The following ANLN variants were observed in gnomAD, a reference collection of about 807,000 sequenced individuals.
The protein encoded by ANLN is anillin.
Under a neutral mutation model 135.1 loss-of-function variants are expected in ANLN, and 59 were observed. The ratio of observed to expected loss-of-function variants is 0.44; its 90% CI spans 0.35 to 0.54. The LOEUF is 0.54. Ranked by LOEUF, ANLN falls within the 20% of genes least tolerant of loss-of-function variation. The pLI is 0.00. For synonymous variants in ANLN, 406 were observed against 456.4 expected (o/e 0.89, Z 1.41); for missense variants, 1,182 against 1,340.0 (o/e 0.88, Z 1.84).
rs1562812777 is a variant in ANLN, at chr7:36,431,632, ATT to A, written c.2883+4605_2883+4606del. Among the ~76,000 whole-genome samples the A allele has an allele frequency of 1.5e-3, 192 of 128,064 alleles. 3 individuals carry two copies. Among genetic ancestry groups the A allele is most frequent in the Non-Finnish European group, 2.4e-3 (149 of 61,744 alleles). 84.0% of individuals were successfully genotyped at this position (128,064 alleles called of 152,430 possible). ...ATATATATATAATATATATATATAT[ATT>A]ACCATTTTATTCTTGATTTCAGGGA... On this transcript the variant is annotated intron_variant, in intron 20 of 23. Coordinates refer to ENST00000265748, the MANE Select transcript of ANLN (RefSeq NM_018685.5).
At chr7:36,421,638 G>A (rs1295348086) in intron 12 of ANLN, among the ~76,000 whole-genome samples, 4 of 152,130 alleles carry the variant, frequency 2.6e-5, no homozygotes, top group Non-Finnish European at 5.9e-5. Flanking sequence ...AGTATGAATT[G>A]GAAGTTTTTT....
At chr7:36,433,069 C>G (rs73106348) in intron 20 of ANLN, among the ~76,000 whole-genome samples, 6,131 of 152,246 alleles carry the variant, frequency 0.04, 151 homozygotes, top group African/African-American at 0.06. Flanking sequence ...ACCTGCCTTG[C>G]CTCCCAAAAT....
chr7:36,450,903 C>T (rs186319741), intron 23 of ANLN, among the ~76,000 whole-genome samples: 4 of 152,270 alleles, frequency 2.6e-5, no homozygotes, highest in South Asian at 4.1e-4. Flanking sequence ...TTACTGGTTG[C>T]GTAAACTCTC....
At chr7:36,438,774 T>G (rs1422253132) in intron 20 of ANLN, among the ~76,000 whole-genome samples, 1 of 152,234 alleles carries the variant, frequency 6.6e-6, no homozygotes. Flanking sequence ...ATTTGGTTGT[T>G]TGGGGTCTCT....
chr7:36,436,603 C>T (rs1788559240), intron 20 of ANLN, among the ~76,000 whole-genome samples: 1 of 152,198 alleles, frequency 6.6e-6, no homozygotes, highest in Non-Finnish European at 1.5e-5. Context: ...CATTTTCCTA[C>T]ATCTTTTCCA....
Position 36,423,889 on chromosome 7 carries a change from G to C in ANLN, c.2549G>C (p.Ser850Thr), listed in dbSNP as rs1787977921. The stretch of plus-strand genomic sequence containing the variant: ...AATATGGTAGCCACACCATTAGCAA[G>C]TACTTCAAACTCTCTTAACGGTGAT... ...AENMVATPLA[S>T]TSNSLNGDAL... Residue 850 changes from serine to threonine, a missense_variant, in exon 15 of 24, where the codon AGT (serine) becomes ACT (threonine). Ser to Thr is a moderately conservative substitution (Grantham distance 58). Around this residue, in one of 3 missense-constraint regions of ANLN, gnomAD observed 1,022 missense variants for 1,134.0 expected, o/e 0.90. Transcript: ENST00000265748. 6.2e-7 allele frequency: 1 copy of C among 1,612,648 alleles called. No homozygotes were observed. Among genetic ancestry groups the C allele is most frequent in the African/African-American group, 1.3e-5 (1 of 74,982 alleles).
intron 3 of ANLN, among the ~76,000 whole-genome samples, chr7:36,400,215 A>C (rs1361592023): frequency 2.0e-5 from 3 of 152,346 alleles, no homozygotes; most frequent in East Asian, 3.9e-4. Flanking sequence ...CATCTTTGGC[A>C]CTAAGACTTG....
At chr7:36,444,494 A>G (rs1444903243) in intron 22 of ANLN, among the ~76,000 whole-genome samples, 8 of 151,988 alleles carry the variant, frequency 5.3e-5, no homozygotes, top group African/African-American at 1.9e-4. Context: ...TTAATTTTTT[A>G]TCTTGTTAGT....
At position 36,426,929 on chromosome 7, in the gene ANLN, A is replaced by G. The variant is rs143980209; in HGVS notation, c.2784A>G (p.Pro928=). 1.9e-6 allele frequency: 3 copies of G among 1,605,466 alleles called. No homozygotes were observed. Among genetic ancestry groups the G allele is most frequent in the African/African-American group, 2.7e-5 (2 of 74,380 alleles). ...SNIHSSVMAS[P]GGLSAVRTSN... is the part of the protein sequence containing the mutation. ...CGTTCTTCACAGTCATGGCCAGTCC[A>G]GGAGGTCTTAGTGCTGTGCGAACCA... is the stretch of plus-strand genomic sequence containing the variant. Residue 928 remains proline, a synonymous_variant, in exon 20 of 24, where the codon CCA becomes CCG. Transcript: ENST00000265748.
intron 3 of ANLN, among the ~76,000 whole-genome samples, chr7:36,399,988 A>C (rs1487338052): frequency 6.7e-6 from 1 of 148,984 alleles, no homozygotes; most frequent in East Asian, 1.9e-4. Flanking sequence ...CCTTGTTACA[A>C]AAAAAAAAAG....
Position 36,452,654 on chromosome 7 carries a change from A to G in ANLN, c.*54A>G. On this transcript the variant is annotated 3_prime_UTR_variant, in exon 24 of 24. Coordinates refer to ENST00000265748, the MANE Select transcript of ANLN (RefSeq NM_018685.5). Reference sequence around the variant, plus strand: ...TTTTTGATGTCATCTTAAGAAACACACTTAAGAGCATCAGATTTACTGATT... The same window carrying G: ...TTTTTGATGTCATCTTAAGAAACACGCTTAAGAGCATCAGATTTACTGATT... The G allele has an allele frequency of 6.3e-7, 1 of 1,590,112 alleles. No homozygotes were observed. Among genetic ancestry groups the G allele is most frequent in the Non-Finnish European group, 8.6e-7 (1 of 1,163,998 alleles).
At chr7:36,424,642 C>T in intron 16 of ANLN, 44 bp from the exon 17 acceptor site, 6 of 1,601,626 alleles carry the variant, frequency 3.7e-6, no homozygotes, top group Non-Finnish European at 5.1e-6. Context: ...TTTTTCTTAA[C>T]AATATCAGAT....
At chr7:36,412,604 A>G (rs981175704) in intron 7 of ANLN, among the ~76,000 whole-genome samples, 1 of 152,144 alleles carries the variant, frequency 6.6e-6, no homozygotes, top group Non-Finnish European at 1.5e-5. Flanking sequence ...CAGGGATTAC[A>G]GGTGTGAGCC....
At chr7:36,447,189 T>C (rs1451817902) in intron 22 of ANLN, among the ~76,000 whole-genome samples, 3 of 152,212 alleles carry the variant, frequency 2.0e-5, no homozygotes, top group African/African-American at 7.2e-5. Flanking sequence ...TGAATTTCTT[T>C]TTCTTTCCTC....
At chr7:36,433,945 T>C (rs1788426120) in intron 20 of ANLN, among the ~76,000 whole-genome samples, 2 of 152,186 alleles carry the variant, frequency 1.3e-5, no homozygotes, top group African/African-American at 4.8e-5. Flanking sequence ...CATCTAAATA[T>C]TTTAATGTTG....
At chr7:36,409,097 C>T (rs1047259484) in intron 5 of ANLN, among the ~76,000 whole-genome samples, 3 of 152,146 alleles carry the variant, frequency 2.0e-5, no homozygotes, top group South Asian at 4.1e-4. Flanking sequence ...GAATTGGAAA[C>T]AATAGCAAGA....
At chr7:36,448,055 C>A (rs1345280889) in intron 22 of ANLN, among the ~76,000 whole-genome samples, 1 of 152,030 alleles carries the variant, frequency 6.6e-6, no homozygotes. Flanking sequence ...CGCTCTGTTG[C>A]CCAGGCTGGA....
At chr7:36,447,090 A>G (rs1309141575) in intron 22 of ANLN, among the ~76,000 whole-genome samples, 1 of 152,158 alleles carries the variant, frequency 6.6e-6, no homozygotes, top group South Asian at 2.1e-4. Flanking sequence ...TACACCCACA[A>G]ATTTAATGCC....
intron 20 of ANLN, among the ~76,000 whole-genome samples, chr7:36,434,271 T>C (rs1548814): frequency 0.92 from 140,140 of 152,282 alleles, 65,199 homozygotes; most frequent in East Asian, 1. Context: ...CAGGCCCCAC[T>C]TTTGAGCAGA....
Sources: allele counts gnomAD v4.1 joint callset (sites outside exome capture counted in the v4.1 genomes callset), GRCh38; gene constraint gnomAD v4.1.1; regional missense constraint gnomAD v4.1.1; transcripts MANE v1.5; gene names NCBI Gene and HGNC (gene_info 2026-07-23, HGNC 2026-07-21).